TBC1D12: variants seen among roughly 807,000 people sequenced by gnomAD.
The protein encoded by TBC1D12 is TBC1 domain family member 12.
In TBC1D12, 56 loss-of-function variants were observed where a neutral mutation model predicts 86.7. That is an observed-to-expected ratio of 0.65 (90% CI 0.52 to 0.81). The LOEUF (loss-of-function observed/expected upper bound fraction) is 0.81. TBC1D12 is among the 30% of genes least tolerant of loss of function. The probability of loss-of-function intolerance (pLI) is 0.00; values close to 1 mark genes in which losing one functional copy is unlikely to be tolerated. For missense variants in TBC1D12, 1,023 were observed against 1,038.8 expected, an observed-to-expected ratio of 0.98 and a Z score of 0.21; for synonymous variants, 421 against 411.7, an observed-to-expected ratio of 1.02 and a Z score of -0.27.
chr10:94,413,589 T>G (rs917069788), intron 1 of TBC1D12, among the ~76,000 whole-genome samples: 2 of 152,190 alleles, frequency 1.3e-5, no homozygotes, highest in African/African-American at 4.8e-5. Context: ...GAAACCCATG[T>G]GACTGTCTGG....
In TBC1D12 at chr10:94,531,249, G is replaced by A. The variant is rs1460337695; in HGVS notation, c.2048G>A (p.Arg683Gln). The A allele has an allele frequency of 3.7e-6, 6 of 1,613,830 alleles. No homozygotes were observed. Among genetic ancestry groups the A allele is most frequent in the East Asian group, 2.2e-5 (1 of 44,862 alleles). ...TCACTACCACTTGATCTGGCCTGTC[G>A]AGTCTGGGATGTATTTTGCAGAGAT... ...SKSLPLDLAC[R>Q]VWDVFCRDGE... is the part of the protein sequence containing the mutation. Residue 683 changes from arginine (R) to glutamine (Q), a missense_variant, in exon 12 of 13, where the codon CGA (arginine) becomes CAA (glutamine). Around this residue, in one of 2 missense-constraint regions of TBC1D12, gnomAD observed 395 missense variants for 507.7 expected, o/e 0.78. Transcript: ENST00000225235.
chr10:94,469,915 A>C (rs928636699), intron 2 of TBC1D12, among the ~76,000 whole-genome samples: 7 of 152,182 alleles, frequency 4.6e-5, no homozygotes, highest in African/African-American at 1.7e-4. Context: ...CCTCAGGCTC[A>C]TCTTGTTTGT....
intron 2 of TBC1D12, among the ~76,000 whole-genome samples, chr10:94,452,275 AACTT>A: frequency 6.6e-6 from 1 of 152,002 alleles, no homozygotes; most frequent in South Asian, 2.1e-4. Flanking sequence ...ACAACCAATG[AACTT>A]ACATTGACAC....
At chr10:94,419,118 C>T (rs567376649) in intron 1 of TBC1D12, among the ~76,000 whole-genome samples, 79 of 152,214 alleles carry the variant, frequency 5.2e-4, no homozygotes, top group Non-Finnish European at 9.7e-4. Context: ...CGTGATCCAC[C>T]GGCCTCGGCC....
chr10:94,460,448 C>T (rs531115926), intron 2 of TBC1D12, among the ~76,000 whole-genome samples: 3 of 152,152 alleles, frequency 2.0e-5, no homozygotes, highest in Admixed American at 2.0e-4. Flanking sequence ...CCACTCTTTA[C>T]TTGCATTTCT....
In TBC1D12 at chr10:94,441,000, C is replaced by T. The variant is rs142149613; in HGVS notation, c.972-896C>T. The stretch of plus-strand genomic sequence containing the variant: ...GAGTAGCTGGAATTACAGGTGCCCA[C>T]CACCACGCTTGGCTAATTTTTGTAT... On this transcript the variant is annotated intron_variant, in intron 1 of 12. Coordinates refer to ENST00000225235, the MANE Select transcript of TBC1D12 (RefSeq NM_015188.2). Among the ~76,000 whole-genome samples the T allele has an allele frequency of 4.5e-3, 683 of 152,242 alleles. 6 individuals carry two copies. Among genetic ancestry groups the T allele is most frequent in the African/African-American group, 0.015 (634 of 41,536 alleles).
At chr10:94,428,424 A>G (rs1300454890) in intron 1 of TBC1D12, among the ~76,000 whole-genome samples, 2 of 151,052 alleles carry the variant, frequency 1.3e-5, no homozygotes, top group African/African-American at 4.9e-5. Flanking sequence ...AGTAACTGGG[A>G]CTATAGACGC....
intron 6 of TBC1D12, among the ~76,000 whole-genome samples, chr10:94,502,364 T>G (rs1221930015): frequency 6.7e-6 from 1 of 150,292 alleles, no homozygotes; most frequent in African/African-American, 2.5e-5. Flanking sequence ...AATAAATAAA[T>G]TTTTAAAATT....
chr10:94,457,039 A>G (rs2134114101), intron 2 of TBC1D12, among the ~76,000 whole-genome samples: 1 of 152,288 alleles, frequency 6.6e-6, no homozygotes, highest in African/African-American at 2.4e-5. Flanking sequence ...CCTTTTTAAA[A>G]AATCTATATG....
At chr10:94,519,303 A>AAGAAT (rs956679936) in intron 9 of TBC1D12, among the ~76,000 whole-genome samples, 1 of 152,196 alleles carries the variant, frequency 6.6e-6, no homozygotes, top group Admixed American at 6.5e-5. Context: ...TTGTGGTACT[A>AAGAAT]AGAATACAAC....
intron 11 of TBC1D12, among the ~76,000 whole-genome samples, chr10:94,530,412 G>A (rs904688914): frequency 2.6e-5 from 4 of 152,162 alleles, no homozygotes; most frequent in Non-Finnish European, 4.4e-5. Context: ...GGATGTTTGT[G>A]CAAGGGGAAG....
intron 2 of TBC1D12, among the ~76,000 whole-genome samples, chr10:94,473,765 T>C (rs1298164993): frequency 6.6e-6 from 1 of 152,184 alleles, no homozygotes; most frequent in East Asian, 1.9e-4. Context: ...GTATTGATCT[T>C]TGGCAAATTT....
chr10:94,449,460 A>G (rs2055517647), intron 2 of TBC1D12, among the ~76,000 whole-genome samples: 1 of 152,222 alleles, frequency 6.6e-6, no homozygotes, highest in African/African-American at 2.4e-5. Flanking sequence ...TAATCTATAA[A>G]GACATCATAA....
At chr10:94,455,460 T>C (rs1020808535) in intron 2 of TBC1D12, among the ~76,000 whole-genome samples, 4 of 152,186 alleles carry the variant, frequency 2.6e-5, no homozygotes, top group African/African-American at 7.2e-5. Context: ...TTATAGATAA[T>C]TGATACAATT....
At chr10:94,428,808 T>C (rs7913343) in intron 1 of TBC1D12, among the ~76,000 whole-genome samples, 73,427 of 151,504 alleles carry the variant, frequency 0.48, 18,296 homozygotes, top group East Asian at 0.79. Context: ...TTCGCAGGCT[T>C]ACGTGATCCT....
intron 3 of TBC1D12, among the ~76,000 whole-genome samples, chr10:94,487,064 T>A (rs926899043): frequency 6.6e-6 from 1 of 152,110 alleles, no homozygotes; most frequent in African/African-American, 2.4e-5. Context: ...ATAATGACCT[T>A]CTTTGTCTCT....
At position 94,481,884 on chromosome 10, in the gene TBC1D12, G is replaced by A. The variant is rs1279845683; in HGVS notation, c.1211+7101G>A. Among the ~76,000 whole-genome samples the A allele has an allele frequency of 2.0e-5, 3 of 152,162 alleles. No individual in the cohort carries two copies. The East Asian group carries it at 5.8e-4, about 29-fold the overall frequency. On this transcript the variant is annotated intron_variant, in intron 3 of 12. Coordinates refer to ENST00000225235, the MANE Select transcript of TBC1D12 (RefSeq NM_015188.2). ...GAGATACTTTGATACAGGCATGCAA[G>A]TGCATAATAATCACATCATCGTAAA...
chr10:94,505,942 AT>A (rs1323520967), intron 6 of TBC1D12, among the ~76,000 whole-genome samples: 2 of 152,178 alleles, frequency 1.3e-5, no homozygotes, highest in Non-Finnish European at 2.9e-5. Flanking sequence ...TTGTGCATGC[AT>A]ATTTTCATTC....
chr10:94,442,475 C>T (rs746910656), intron 2 of TBC1D12, among the ~76,000 whole-genome samples: 1 of 152,166 alleles, frequency 6.6e-6, no homozygotes, highest in Non-Finnish European at 1.5e-5. Context: ...GGTGTCCTCT[C>T]TAAACCAAGG....
Sources: allele counts gnomAD v4.1 joint callset (sites outside exome capture counted in the v4.1 genomes callset), GRCh38; gene constraint gnomAD v4.1.1; regional missense constraint gnomAD v4.1.1; transcripts MANE v1.5; gene names NCBI Gene and HGNC (gene_info 2026-07-23, HGNC 2026-07-21).